PFKP: variants seen among roughly 807,000 people sequenced by gnomAD.
PFKP encodes ATP-dependent 6-phosphofructokinase, platelet type.
Under a neutral mutation model 94.3 loss-of-function variants are expected in PFKP, and 101 were observed. The ratio of observed to expected loss-of-function variants is 1.07; its 90% CI spans 0.91 to 1.26. The LOEUF is 1.26. PFKP is among the 50% of genes most tolerant of loss of function. The pLI is 0.00. For missense variants in PFKP, 1,145 were observed against 1,103.3 expected (o/e 1.04, Z -0.53); for synonymous variants, 573 against 432.6 (o/e 1.32, Z -4.03).
intron 13 of PFKP, 66 bp downstream of exon 13, chr10:3,113,584 G>A (rs188124319): frequency 0.024 from 33,874 of 1,423,534 alleles, 467 homozygotes; most frequent in Non-Finnish European, 0.028. Flanking sequence ...ACGTGGCGGC[G>A]GGGGGGTGCC....
chr10:3,083,970 G>A (rs1294587636), intron 2 of PFKP, among the ~76,000 whole-genome samples: 1 of 152,168 alleles, frequency 6.6e-6, no homozygotes, highest in African/African-American at 2.4e-5. Flanking sequence ...TCAACATACT[G>A]TCTTGTTGAA....
intron 16 of PFKP, among the ~76,000 whole-genome samples, chr10:3,128,602 G>C (rs913454425): frequency 6.6e-6 from 1 of 151,536 alleles, no homozygotes; most frequent in Non-Finnish European, 1.5e-5. Context: ...CCAGAGTTGC[G>C]GGCCTTGCAC....
intron 4 of PFKP, among the ~76,000 whole-genome samples, chr10:3,101,837 A>C (rs1835021865): frequency 6.6e-6 from 1 of 152,196 alleles, no homozygotes; most frequent in South Asian, 2.1e-4. Flanking sequence ...CATCCCATTT[A>C]CAGATGAGGA....
chr10:3,136,596 T>C lies in PFKP; in HGVS notation c.*17T>C, dbSNP rs1839393129. ...AGTGTCTGACCCAGTCCCGCCTGCA[T>C]GTGCCTGCAGCCACCGTGGACTGTC... On this transcript the variant is annotated 3_prime_UTR_variant, in exon 22 of 22. Coordinates refer to ENST00000381125, the MANE Select transcript of PFKP (RefSeq NM_002627.5). The C allele has an allele frequency of 1.9e-6, 3 of 1,612,526 alleles. No homozygotes were observed. Among genetic ancestry groups the C allele is most frequent in the Non-Finnish European group, 8.5e-7 (1 of 1,179,176 alleles).
chr10:3,106,535 G>A (rs961946068), intron 7 of PFKP, among the ~76,000 whole-genome samples: 20 of 151,342 alleles, frequency 1.3e-4, no homozygotes, highest in African/African-American at 4.4e-4. Context: ...GTGGTGATGT[G>A]AGCTCCCAGT....
chr10:3,132,183 G>A (rs1190606118), intron 17 of PFKP, among the ~76,000 whole-genome samples, 197 bp from the exon 18 acceptor site: 1 of 152,212 alleles, frequency 6.6e-6, no homozygotes, highest in East Asian at 1.9e-4. Flanking sequence ...ACCGTGCCCT[G>A]TCCTCAGCGT....
chr10:3,121,803 CTTTTTTTTTTT>C (rs759926178), intron 16 of PFKP, among the ~76,000 whole-genome samples: 31 of 32,630 alleles, frequency 9.5e-4, no homozygotes, highest in African/African-American at 2.2e-3. Flanking sequence ...CTTTTTTTTT[CTTTTTTTTTTT>C]TTTTTTTTTT....
chr10:3,095,967 T>G (rs1020143945), intron 2 of PFKP, among the ~76,000 whole-genome samples: 3 of 152,168 alleles, frequency 2.0e-5, no homozygotes, highest in Non-Finnish European at 4.4e-5. Context: ...TTTTAATGGC[T>G]TTCTTTGCCA....
At chr10:3,099,387 G>A (rs1834768563) in intron 3 of PFKP, 35 bp downstream of exon 3, 1 of 1,505,962 alleles carries the variant, frequency 6.6e-7, no homozygotes, top group African/African-American at 1.4e-5. Context: ...GGTTCTCTGA[G>A]TTAGAGACTC....
chr10:3,105,176 G>A lies in PFKP; in HGVS notation c.665+17G>A. On this transcript the variant is annotated intron_variant, in intron 6 of 21. Transcript: ENST00000381125. ...ACACTGTGGGTACGTACCTGCGGTGGGTCCGGTGGACGCGGTTCAGGTGGG... is the reference window on the plus strand; with the variant it reads ...ACACTGTGGGTACGTACCTGCGGTGAGTCCGGTGGACGCGGTTCAGGTGGG... 6.2e-7 allele frequency: 1 copy of A among 1,611,574 alleles called. No homozygotes were observed. Among genetic ancestry groups the A allele is most frequent in the Non-Finnish European group, 8.5e-7 (1 of 1,177,846 alleles).
chr10:3,125,070 G>A (rs768335582), intron 16 of PFKP: 22 of 1,212,092 alleles, frequency 1.8e-5, no homozygotes, highest in Middle Eastern at 3.3e-4. Flanking sequence ...CGGCACCCCC[G>A]CTAACCGCTT....
chr10:3,080,386 G>C (rs562334408), intron 1 of PFKP, among the ~76,000 whole-genome samples: 1 of 151,962 alleles, frequency 6.6e-6, no homozygotes, highest in Non-Finnish European at 1.5e-5. Context: ...GCGTGGTGGC[G>C]GGCGCCTGTA....
At chr10:3,068,227 G>A (rs756532481) in intron 1 of PFKP, among the ~76,000 whole-genome samples, 17 of 152,028 alleles carry the variant, frequency 1.1e-4, no homozygotes, top group Non-Finnish European at 2.2e-4. Flanking sequence ...AGGAAGAAAC[G>A]GCTGGGTCCC....
Position 3,114,233 on chromosome 10 carries a change from T to C in PFKP, c.1371+715T>C, listed in dbSNP as rs531600148. Among the ~76,000 whole-genome samples the C allele has an allele frequency of 1.9e-3, 283 of 151,648 alleles. 2 individuals carry two copies. The highest frequency in any genetic ancestry group is 3.0e-3 in the Non-Finnish European group (205 of 67,962). ...GGCGTGATCTTGGCCCACTGCAGCC[T>C]CTGCCTCCTGGGTTCAAGCGATTCT... On this transcript the variant is annotated intron_variant, in intron 13 of 21. Coordinates refer to ENST00000381125, the MANE Select transcript of PFKP (RefSeq NM_002627.5).
intron 2 of PFKP, among the ~76,000 whole-genome samples, chr10:3,089,271 C>A (rs1833864037): frequency 6.6e-6 from 1 of 152,180 alleles, no homozygotes; most frequent in Non-Finnish European, 1.5e-5. Context: ...GCACTTTCAT[C>A]CCCATTGCCA....
chr10:3,082,548 C>G (rs1021135152), intron 2 of PFKP, 87 bp downstream of exon 2: 1 of 921,766 alleles, frequency 1.1e-6, no homozygotes, highest in African/African-American at 1.7e-5. Context: ...CCCTGCCTCC[C>G]CCATGCTGAG....
At chr10:3,126,239 A>C (rs9423691) in intron 16 of PFKP, among the ~76,000 whole-genome samples, 37,471 of 152,098 alleles carry the variant, frequency 0.25, 4,684 homozygotes, top group East Asian at 0.3. Context: ...GCTTCCTGTG[A>C]GTCCGAGCCT....
At chr10:3,117,169 C>T (rs561053046) in intron 14 of PFKP, among the ~76,000 whole-genome samples, 32 of 152,260 alleles carry the variant, frequency 2.1e-4, no homozygotes, top group Admixed American at 1.4e-3. Flanking sequence ...GTCACGGAGC[C>T]GTGGAGATGG....
intron 15 of PFKP, among the ~76,000 whole-genome samples, chr10:3,119,151 A>G (rs1837135072): frequency 6.6e-6 from 1 of 152,090 alleles, no homozygotes; most frequent in Non-Finnish European, 1.5e-5. Flanking sequence ...AGGCCTGTGG[A>G]AGTAATTCTA....
Sources: gnomAD v4.1 joint callset for allele counts (sites outside exome capture counted in the v4.1 genomes callset) on GRCh38, gnomAD v4.1.1 for gene constraint, MANE v1.5 for transcripts, NCBI Gene and HGNC (gene_info 2026-07-23, HGNC 2026-07-21) for gene names.